The following PKHD1 variants were observed in gnomAD, a reference collection of about 807,000 sequenced individuals.
The protein encoded by PKHD1 is PKHD1 ciliary IPT domain containing fibrocystin/polyductin.
In PKHD1, 291 loss-of-function variants were observed where a neutral mutation model predicts 412.0. The ratio of observed to expected loss-of-function variants is 0.71; its 90% CI spans 0.64 to 0.78. The LOEUF (loss-of-function observed/expected upper bound fraction) is 0.78, where lower values mean the gene tolerates loss of function less well. Among genes scored for constraint, PKHD1 ranks in the 30% least tolerant of loss-of-function variants. The pLI, the probability that PKHD1 is intolerant of heterozygous loss-of-function variation, is 0.00. For synonymous variants in PKHD1, 1,777 were observed against 1,821.5 expected, an observed-to-expected ratio of 0.98 and a Z score of 0.62; for missense variants, 4,825 against 4,950.7, an observed-to-expected ratio of 0.97 and a Z score of 0.76.
intron 48 of PKHD1, among the ~76,000 whole-genome samples, chr6:51,859,079 G>A (rs1773761454): frequency 6.6e-6 from 1 of 152,126 alleles, no homozygotes; most frequent in Non-Finnish European, 1.5e-5. Flanking sequence ...TCATATTTCT[G>A]CAATCCTAGT....
intron 19 of PKHD1, 92 bp downstream of exon 19, chr6:52,055,495 C>T: frequency 7.0e-7 from 1 of 1,420,500 alleles, no homozygotes; most frequent in Non-Finnish European, 9.9e-7. Flanking sequence ...ACAGCAATCA[C>T]TCCTTTGTGC....
At chr6:51,850,997 G>A (rs182006484) in intron 49 of PKHD1, among the ~76,000 whole-genome samples, 25 of 152,274 alleles carry the variant, frequency 1.6e-4, no homozygotes. Context: ...AATGCTTCTA[G>A]CTTTGGCCCA....
chr6:51,705,203 G>A (rs138094591), intron 60 of PKHD1, among the ~76,000 whole-genome samples: 2 of 152,000 alleles, frequency 1.3e-5, no homozygotes, highest in African/African-American at 4.8e-5. Context: ...GAAGAACCAG[G>A]AGAGTGCACT....
intron 50 of PKHD1, among the ~76,000 whole-genome samples, chr6:51,846,523 T>A (rs1270982713): frequency 2.6e-5 from 4 of 152,144 alleles, no homozygotes; most frequent in Non-Finnish European, 5.9e-5. Context: ...CACAGTGAGC[T>A]GCGATTGGAA....
rs1006028756 is a variant in PKHD1, at chr6:51,802,568, T to A, written c.8303-11195A>T. ...ACTAAGCGCCAAACTTATTTTCCTA[T>A]GTGGGTTTTTGTTTTGATTTGTTTC... On this transcript the variant is annotated intron_variant, in intron 52 of 66. Coordinates refer to ENST00000371117, the MANE Select transcript of PKHD1 (RefSeq NM_138694.4). 1.4e-4 allele frequency among the ~76,000 whole-genome samples: 21 copies of A among 151,586 alleles called. 1 individual carries two copies. Among genetic ancestry groups the A allele is most frequent in the African/African-American group, 5.1e-4 (21 of 40,872 alleles).
chr6:51,928,312 C>A (rs918412146), intron 37 of PKHD1, among the ~76,000 whole-genome samples: 2 of 151,974 alleles, frequency 1.3e-5, no homozygotes, highest in African/African-American at 4.8e-5. Context: ...TTTTAAAGGA[C>A]AAGAAAAAGG....
chr6:51,882,025 A>G (rs1052553507), intron 46 of PKHD1, among the ~76,000 whole-genome samples: 1 of 152,306 alleles, frequency 6.6e-6, no homozygotes, highest in Admixed American at 6.5e-5. Flanking sequence ...ATTAATTATG[A>G]TGTCTATTTA....
intron 35 of PKHD1, among the ~76,000 whole-genome samples, chr6:51,986,114 T>C (rs1437714692): frequency 1.3e-5 from 2 of 152,196 alleles, no homozygotes; most frequent in Non-Finnish European, 2.9e-5. Flanking sequence ...TGTGTAGTTA[T>C]AATGATTTCA....
chr6:51,615,989 G>T lies in PKHD1; in HGVS notation c.*3092C>A, dbSNP rs1262734078. 2 of 151,026 alleles carry T rather than the reference G, an allele frequency of 1.3e-5. No homozygotes were observed. Among genetic ancestry groups the T allele is most frequent in the African/African-American group, 2.4e-5 (1 of 40,974 alleles). 9.4% of individuals were successfully genotyped at this position (151,026 alleles called of 1,614,324 possible). On this transcript the variant is annotated 3_prime_UTR_variant, in exon 67 of 67. Transcript: ENST00000371117. ...CCCCAAACAAAAAGCATGGAGAAAT[G>T]GTCAAAACAACCGTGGCTCCATATA...
intron 60 of PKHD1, among the ~76,000 whole-genome samples, chr6:51,666,480 G>A (rs1037308651): frequency 1.3e-5 from 2 of 152,046 alleles, no homozygotes; most frequent in Non-Finnish European, 2.9e-5. Flanking sequence ...TAATTTCATT[G>A]GTAGTTTAGA....
At chr6:51,728,357 C>T (rs1782837719) in intron 60 of PKHD1, among the ~76,000 whole-genome samples, 1 of 152,180 alleles carries the variant, frequency 6.6e-6, no homozygotes, top group South Asian at 2.1e-4. Flanking sequence ...TCAGCCCCCA[C>T]ACTTCTTCTG....
chr6:51,873,435 T>A (rs907275909), intron 46 of PKHD1, among the ~76,000 whole-genome samples: 9 of 152,194 alleles, frequency 5.9e-5, no homozygotes, highest in African/African-American at 1.7e-4. Context: ...TGTTCATTTA[T>A]TTATTATTAG....
At chr6:52,084,640 T>A (rs1299298226) in intron 2 of PKHD1, among the ~76,000 whole-genome samples, 1 of 152,236 alleles carries the variant, frequency 6.6e-6, no homozygotes, top group Admixed American at 6.5e-5. Flanking sequence ...CATTTCAGTA[T>A]ATAACCTCAG....
intron 65 of PKHD1, 98 bp downstream of exon 65, chr6:51,632,467 A>C (rs1045429489): frequency 1.9e-6 from 2 of 1,035,410 alleles, no homozygotes; most frequent in Non-Finnish European, 2.9e-6. Flanking sequence ...GCTCACAAAA[A>C]TTTGTCTTTG....
chr6:52,032,079 C>T (rs955034100), intron 29 of PKHD1, among the ~76,000 whole-genome samples: 4 of 152,186 alleles, frequency 2.6e-5, no homozygotes, highest in African/African-American at 9.7e-5. Flanking sequence ...ATTTTACACA[C>T]TTCAGTCACC....
chr6:51,699,029 T>C (rs1256832248), intron 60 of PKHD1, among the ~76,000 whole-genome samples: 1 of 152,200 alleles, frequency 6.6e-6, no homozygotes, highest in African/African-American at 2.4e-5. Context: ...TCCACTTGAC[T>C]CTAAGTAAGC....
intron 28 of PKHD1, 58 bp downstream of exon 28, chr6:52,035,533 T>G: frequency 6.7e-7 from 1 of 1,482,004 alleles, no homozygotes; most frequent in Non-Finnish European, 9.4e-7. Flanking sequence ...ACTGAAAATG[T>G]TATATTAACA....
intron 55 of PKHD1, among the ~76,000 whole-genome samples, chr6:51,758,626 CT>C (rs1012758671): frequency 3.9e-5 from 6 of 151,922 alleles, no homozygotes; most frequent in African/African-American, 1.2e-4. Context: ...AATTAAAAGA[CT>C]TTTTTTCAAC....
rs577532083 is a variant in PKHD1 at position 51,866,972 on chromosome 6, C to T, written c.7733+891G>A. Among the ~76,000 whole-genome samples the T allele has an allele frequency of 1.7e-4, 26 of 152,226 alleles. No homozygotes were observed. In the South Asian group the frequency reaches 5.4e-3, roughly 32 times the overall value. On this transcript the variant is annotated intron_variant, in intron 48 of 66. Transcript: ENST00000371117. ...TCCAGACTATTCAGTGCTACCAGTGCATCGCTAAGGCTTCTAAAACAGAAT... is the reference window on the plus strand; with the variant it reads ...TCCAGACTATTCAGTGCTACCAGTGTATCGCTAAGGCTTCTAAAACAGAAT...
Sources: gnomAD v4.1 joint callset for allele counts (sites outside exome capture counted in the v4.1 genomes callset) on GRCh38, gnomAD v4.1.1 for gene constraint, MANE v1.5 for transcripts, NCBI Gene and HGNC (gene_info 2026-07-23, HGNC 2026-07-21) for gene names.